The following ABLIM1 variants were observed in gnomAD, a reference collection of about 807,000 sequenced individuals.
ABLIM1 encodes the protein actin-binding LIM protein 1.
Under a neutral mutation model 107.0 loss-of-function variants are expected in ABLIM1, and 40 were observed. That is an observed-to-expected ratio of 0.37 (90% CI 0.29 to 0.49). The LOEUF (loss-of-function observed/expected upper bound fraction) is 0.49. Among genes scored for constraint, ABLIM1 ranks in the 20% least tolerant of loss-of-function variants. The probability of loss-of-function intolerance (pLI) is 0.97; values close to 1 mark genes in which losing one functional copy is unlikely to be tolerated. For missense variants in ABLIM1, 857 were observed against 1,008.5 expected (o/e 0.85, Z 2.04); for synonymous variants, 357 against 357.3 (o/e 1.00, Z 0.01).
At chr10:114,510,553 G>T (rs1368556862) in intron 6 of ABLIM1, among the ~76,000 whole-genome samples, 2 of 151,680 alleles carry the variant, frequency 1.3e-5, no homozygotes, top group African/African-American at 4.9e-5. Flanking sequence ...CACATATTAG[G>T]TATTTTTTTG....
intron 4 of ABLIM1, among the ~76,000 whole-genome samples, chr10:114,554,706 A>C (rs2068506773): frequency 6.6e-6 from 1 of 152,168 alleles, no homozygotes; most frequent in African/African-American, 2.4e-5. Flanking sequence ...CCTGTCTCTA[A>C]AAGATATAAT....
chr10:114,575,863 G>C (rs2072459453), intron 2 of ABLIM1, among the ~76,000 whole-genome samples: 1 of 152,202 alleles, frequency 6.6e-6, no homozygotes, highest in South Asian at 2.1e-4. Context: ...AACAGTCTTT[G>C]ATAGAAAGAT....
chr10:114,716,326 T>G (rs1182635849), intron 1 of ABLIM1, among the ~76,000 whole-genome samples: 2 of 152,120 alleles, frequency 1.3e-5, no homozygotes, highest in Non-Finnish European at 2.9e-5. Flanking sequence ...GCCACTCTTC[T>G]GCTATATTAG....
At chr10:114,490,348 T>C (rs2058750189) in intron 7 of ABLIM1, among the ~76,000 whole-genome samples, 1 of 152,218 alleles carries the variant, frequency 6.6e-6, no homozygotes, top group Non-Finnish European at 1.5e-5. Flanking sequence ...CAATTTCTCA[T>C]GTAGCTAGCC....
chr10:114,548,976 A>G lies in ABLIM1; in HGVS notation c.674-1200T>C, dbSNP rs116918130. 2.4e-3 allele frequency among the ~76,000 whole-genome samples: 368 copies of G among 152,330 alleles called. 9 individuals are homozygous for G. In the East Asian group the frequency reaches 0.043, roughly 18 times the overall value. ...TTTTCCTAATGACGCTTCTAGCCCA[A>G]CTTTAATTCTCTGACCATCCAGAAA... On this transcript the variant is annotated intron_variant, in intron 4 of 22. Coordinates refer to ENST00000533213, the MANE Select transcript of ABLIM1 (RefSeq NM_002313.7).
chr10:114,491,056 G>A (rs1337530450), intron 7 of ABLIM1, among the ~76,000 whole-genome samples: 9 of 137,472 alleles, frequency 6.5e-5, no homozygotes, highest in Admixed American at 3.1e-4. Flanking sequence ...ATAAAATAGA[G>A]TTGAGGATTC....
intron 4 of ABLIM1, among the ~76,000 whole-genome samples, chr10:114,564,998 T>C (rs1293272493): frequency 6.6e-6 from 1 of 152,210 alleles, no homozygotes; most frequent in Non-Finnish European, 1.5e-5. Flanking sequence ...ACTACTATTG[T>C]TTCCCATTGT....
intron 4 of ABLIM1, among the ~76,000 whole-genome samples, chr10:114,554,188 C>T (rs2068433891): frequency 6.6e-6 from 1 of 152,150 alleles, no homozygotes; most frequent in African/African-American, 2.4e-5. Flanking sequence ...CACCTTGTCC[C>T]CTCAACTACT....
At chr10:114,789,585 A>T in the ABLIM1 span, among the ~76,000 whole-genome samples, 1 of 152,108 alleles carries the variant, frequency 6.6e-6, no homozygotes, top group Non-Finnish European at 1.5e-5. Context: ...CCTCATCAGC[A>T]TCTGTTATTT....
intron 6 of ABLIM1, among the ~76,000 whole-genome samples, chr10:114,500,744 AAGGGAAGGGAAG>A (rs1565643510): frequency 2.9e-5 from 3 of 103,268 alleles, no homozygotes; most frequent in Non-Finnish European, 6.0e-5. Flanking sequence ...AAGGGAAGGG[AAGGGAAGGGAAG>A]GGAAGGGAAG....
intron 1 of ABLIM1, among the ~76,000 whole-genome samples, chr10:114,757,391 A>AT (rs2082653888): frequency 6.6e-6 from 1 of 152,148 alleles, no homozygotes; most frequent in African/African-American, 2.4e-5. Flanking sequence ...AATAATAAAT[A>AT]TTTTCATAGA....
rs544185023 is a variant in ABLIM1 at position 114,731,442 on chromosome 10, ATGTTTGTT to A, written c.-213+36611_-213+36618del. 3.5e-3 allele frequency among the ~76,000 whole-genome samples: 498 copies of A among 144,182 alleles called. 7 individuals carry two copies. The highest frequency in any genetic ancestry group is 0.012 in the African/African-American group (478 of 39,036). The allele number at this position is 144,182 out of a possible 152,430, so 94.6% of individuals were successfully genotyped here. A position where few individuals can be genotyped will look rare whatever the true frequency, so the allele number is the denominator to read the frequency against. ...TGGGCATGAGCCACCATGCCTAGAC[ATGTTTGTT>A]TGTTTGTTTGTTTGTTTGTTCATTT... On this transcript the variant is annotated intron_variant, in intron 1 of 15. Coordinates refer to the ABLIM1 transcript ENST00000651092.
chr10:114,555,521 A>G (rs888127530), intron 4 of ABLIM1, among the ~76,000 whole-genome samples: 1 of 152,174 alleles, frequency 6.6e-6, no homozygotes, highest in Non-Finnish European at 1.5e-5. Context: ...CCTTCATTGT[A>G]AAGGGGCAAA....
At chr10:114,569,776 C>T (rs2071375043) in intron 4 of ABLIM1, among the ~76,000 whole-genome samples, 1 of 152,162 alleles carries the variant, frequency 6.6e-6, no homozygotes, top group African/African-American at 2.4e-5. Context: ...GGAGTTGAAA[C>T]CCTACTAGGG....
the ABLIM1 span, among the ~76,000 whole-genome samples, chr10:114,773,216 A>G: frequency 6.6e-6 from 1 of 152,296 alleles, no homozygotes; most frequent in South Asian, 2.1e-4. Flanking sequence ...AGGAAATACA[A>G]TATATACCAG....
At chr10:114,558,853 G>T (rs1177148589) in intron 4 of ABLIM1, among the ~76,000 whole-genome samples, 1 of 151,180 alleles carries the variant, frequency 6.6e-6, no homozygotes, top group African/African-American at 2.5e-5. Flanking sequence ...CATTAAGACT[G>T]TTTTGTCACC....
intron 1 of ABLIM1, among the ~76,000 whole-genome samples, chr10:114,753,309 C>T (rs1425832548): frequency 6.6e-6 from 1 of 152,182 alleles, no homozygotes; most frequent in Non-Finnish European, 1.5e-5. Flanking sequence ...ATTCTGTGCA[C>T]CATGCTCTCT....
At chr10:114,522,184 G>T (rs936567887) in intron 6 of ABLIM1, among the ~76,000 whole-genome samples, 2 of 152,142 alleles carry the variant, frequency 1.3e-5, no homozygotes, top group Non-Finnish European at 2.9e-5. Context: ...GCCAGGAGAA[G>T]ATATTTCAAC....
intron 1 of ABLIM1, among the ~76,000 whole-genome samples, chr10:114,672,288 C>T (rs2080290212): frequency 6.6e-6 from 1 of 152,062 alleles, no homozygotes; most frequent in Non-Finnish European, 1.5e-5. Context: ...GCAACCTCCG[C>T]CGCCCAGGTT....
Sources: gnomAD v4.1 joint callset for allele counts (sites outside exome capture counted in the v4.1 genomes callset) on GRCh38, gnomAD v4.1.1 for gene constraint, MANE v1.5 for transcripts, NCBI Gene and HGNC (gene_info 2026-07-23, HGNC 2026-07-21) for gene names.